The following CLYBL variants were observed in gnomAD, a reference collection of about 807,000 sequenced individuals.
CLYBL encodes citramalyl-CoA lyase, also known as citramalyl-CoA lyase, mitochondrial.
In CLYBL, 31 loss-of-function variants were observed where a neutral mutation model predicts 38.9. The observed-to-expected ratio is 0.80, with a 90% CI of 0.60 to 1.08. CLYBL has a LOEUF of 1.08. CLYBL is among the 50% of genes least tolerant of loss of function. The probability of loss-of-function intolerance (pLI) is 0.00; values close to 1 mark genes in which losing one functional copy is unlikely to be tolerated. For synonymous variants in CLYBL, 171 were observed against 158.6 expected (o/e 1.08, Z -0.59); for missense variants, 434 against 411.6 (o/e 1.05, Z -0.47).
At chr13:99,709,471 A>C (rs1309515481) in intron 1 of CLYBL, among the ~76,000 whole-genome samples, 3 of 152,114 alleles carry the variant, frequency 2.0e-5, no homozygotes, top group African/African-American at 7.2e-5. Context: ...GGCCAATGGG[A>C]GATACATTTT....
chr13:99,755,943 T>C (rs1018302554), intron 1 of CLYBL, among the ~76,000 whole-genome samples: 2 of 152,188 alleles, frequency 1.3e-5, no homozygotes, highest in East Asian at 3.9e-4. Context: ...AATCCCCCAT[T>C]CCTTTCTCAC....
intron 1 of CLYBL, among the ~76,000 whole-genome samples, chr13:99,609,320 GCACGCGCCAC>G (rs1446769230): frequency 6.6e-6 from 1 of 151,578 alleles, no homozygotes; most frequent in Non-Finnish European, 1.5e-5. Flanking sequence ...GGGATTACAG[GCACGCGCCAC>G]CACGTCCAGC....
intron 1 of CLYBL, among the ~76,000 whole-genome samples, chr13:99,741,416 C>T (rs1052872257): frequency 1.1e-4 from 16 of 152,190 alleles, no homozygotes; most frequent in South Asian, 2.1e-4. Context: ...CAGTTTGGCA[C>T]GGCAGACCCC....
chr13:99,791,359 TTA>T (rs1025613078), intron 2 of CLYBL, among the ~76,000 whole-genome samples: 21 of 87,518 alleles, frequency 2.4e-4, no homozygotes, highest in African/African-American at 1.2e-3. Flanking sequence ...AGTGTCTTTT[TTA>T]AAAAAAAAAC....
At chr13:99,641,313 G>A (rs2047089816) in intron 1 of CLYBL, among the ~76,000 whole-genome samples, 1 of 152,152 alleles carries the variant, frequency 6.6e-6, no homozygotes, top group African/African-American at 2.4e-5. Context: ...TTTAAGTTTG[G>A]TATTGACATT....
chr13:99,607,919 T>A (rs987558836), intron 1 of CLYBL, among the ~76,000 whole-genome samples: 1 of 152,060 alleles, frequency 6.6e-6, no homozygotes, highest in Non-Finnish European at 1.5e-5. Context: ...AATTTTTGTA[T>A]TTTTAGTAGA....
At chr13:99,755,743 G>A (rs933726630) in intron 1 of CLYBL, among the ~76,000 whole-genome samples, 1 of 152,210 alleles carries the variant, frequency 6.6e-6, no homozygotes, top group Admixed American at 6.5e-5. Context: ...TGAGTGGGAA[G>A]TTGGCACACC....
intron 1 of CLYBL, among the ~76,000 whole-genome samples, chr13:99,654,953 C>T (rs558084283): frequency 3.1e-4 from 47 of 151,978 alleles, no homozygotes; most frequent in Non-Finnish European, 5.9e-4. Context: ...TGCAGTGAGC[C>T]GAGATCGCGC....
At chr13:99,857,218 G>C (rs1006163348) in intron 2 of CLYBL, among the ~76,000 whole-genome samples, 1 of 151,990 alleles carries the variant, frequency 6.6e-6, no homozygotes, top group African/African-American at 2.4e-5. Context: ...AGGGGGCTGA[G>C]GCAGGAGAAT....
At chr13:99,847,971 T>C (rs192790891) in intron 2 of CLYBL, among the ~76,000 whole-genome samples, 44 of 152,328 alleles carry the variant, frequency 2.9e-4, no homozygotes, top group African/African-American at 9.6e-4. Context: ...TGTCTGTCTG[T>C]CTGCCTGTCT....
In CLYBL at chr13:99,846,286, ATTTTT is replaced by A. The variant is rs5806139; in HGVS notation, c.250-12556_250-12552del. On this transcript the variant is annotated intron_variant, in intron 2 of 8. Coordinates refer to ENST00000339105, the MANE Select transcript of CLYBL (RefSeq NM_206808.5). ...CAATATTACCAAATATTGTGTGGAG[ATTTTT>A]TTTTTTTTTTTTTTTTTTGAGACGG... 1.7e-3 allele frequency among the ~76,000 whole-genome samples: 181 copies of A among 108,156 alleles called. 1 individual carries two copies. The highest frequency in any genetic ancestry group is 4.8e-3 in the African/African-American group (147 of 30,582). The allele number at this position is 108,156 out of a possible 152,430, so 71.0% of individuals were successfully genotyped here.
At chr13:99,756,312 C>A (rs1160553741) in intron 1 of CLYBL, among the ~76,000 whole-genome samples, 1 of 152,200 alleles carries the variant, frequency 6.6e-6, no homozygotes, top group Non-Finnish European at 1.5e-5. Context: ...GTTCAGCAAG[C>A]CCAAGTCCTT....
chr13:99,614,808 C>T (rs1454522148), intron 1 of CLYBL, among the ~76,000 whole-genome samples: 2 of 152,130 alleles, frequency 1.3e-5, no homozygotes, highest in Non-Finnish European at 2.9e-5. Flanking sequence ...CAACTCTTTA[C>T]TGCAGAGATC....
At chr13:99,814,272 A>G (rs1009124131) in intron 2 of CLYBL, among the ~76,000 whole-genome samples, 1 of 152,208 alleles carries the variant, frequency 6.6e-6, no homozygotes, top group African/African-American at 2.4e-5. Flanking sequence ...ATAGTTTACA[A>G]CAAGCCCAGG....
chr13:99,645,314 G>A (rs985088551), intron 1 of CLYBL, among the ~76,000 whole-genome samples: 9 of 152,072 alleles, frequency 5.9e-5, no homozygotes, highest in African/African-American at 2.2e-4. Context: ...GGCCAACATG[G>A]TGAAACCCCG....
chr13:99,858,490 A>AGGG (rs2051513572), intron 2 of CLYBL, among the ~76,000 whole-genome samples: 1 of 152,248 alleles, frequency 6.6e-6, no homozygotes, highest in African/African-American at 2.4e-5. Flanking sequence ...GAGAAAGTGC[A>AGGG]GGGAAAGAAC....
At chr13:99,773,419 A>T (rs2049442403) in intron 2 of CLYBL, among the ~76,000 whole-genome samples, 1 of 152,182 alleles carries the variant, frequency 6.6e-6, no homozygotes, top group Non-Finnish European at 1.5e-5. Flanking sequence ...TGGGTGAACA[A>T]GCATTATGGC....
chr13:99,784,713 C>T (rs980216087), intron 2 of CLYBL, among the ~76,000 whole-genome samples: 15 of 151,974 alleles, frequency 9.9e-5, no homozygotes, highest in African/African-American at 3.1e-4. Flanking sequence ...CTTGGCCTCC[C>T]GAAGTGCTGG....
intron 1 of CLYBL, among the ~76,000 whole-genome samples, chr13:99,712,077 C>T (rs1440915894): frequency 6.6e-6 from 1 of 152,190 alleles, no homozygotes; most frequent in Non-Finnish European, 1.5e-5. Flanking sequence ...CCAAAGGCCT[C>T]ACCTCCACAT....
Sources: allele counts gnomAD v4.1 joint callset (sites outside exome capture counted in the v4.1 genomes callset), GRCh38; gene constraint gnomAD v4.1.1; transcripts MANE v1.5; gene names NCBI Gene and HGNC (gene_info 2026-07-23, HGNC 2026-07-21).